The following DENND1B variants were observed in gnomAD, a reference collection of about 807,000 sequenced individuals.
DENND1B encodes DENN domain containing 1B, also known as DENN domain-containing protein 1B.
A neutral mutation model predicts 90.1 loss-of-function variants in DENND1B; 59 were observed. The ratio of observed to expected loss-of-function variants is 0.65; its 90% CI spans 0.53 to 0.81. The LOEUF (loss-of-function observed/expected upper bound fraction) is 0.81. Ranked by LOEUF, DENND1B falls within the 40% of genes least tolerant of loss-of-function variation. The pLI is 0.00. For missense variants in DENND1B, 862 were observed against 912.6 expected, an observed-to-expected ratio of 0.94 and a Z score of 0.71; for synonymous variants, 337 against 324.6, an observed-to-expected ratio of 1.04 and a Z score of -0.41.
At chr1:197,661,528 T>A (rs1654405509) in intron 5 of DENND1B, among the ~76,000 whole-genome samples, 1 of 152,110 alleles carries the variant, frequency 6.6e-6, no homozygotes, top group South Asian at 2.1e-4. Flanking sequence ...TCTGTTTCTA[T>A]CCAACTCTCA....
At chr1:197,754,827 G>A (rs993801355) in intron 2 of DENND1B, among the ~76,000 whole-genome samples, 3 of 152,076 alleles carry the variant, frequency 2.0e-5, no homozygotes, top group Non-Finnish European at 2.9e-5. Flanking sequence ...TACTCATATA[G>A]AGATGTGTAA....
At chr1:197,651,637 C>G (rs116475002) in intron 7 of DENND1B, among the ~76,000 whole-genome samples, 2,282 of 135,998 alleles carry the variant, frequency 0.017, 66 homozygotes, top group African/African-American at 0.058. Context: ...ACCTGAAAAT[C>G]AATGCTTCTT....
chr1:197,637,553 T>G (rs1193241546), intron 10 of DENND1B, among the ~76,000 whole-genome samples: 1 of 152,134 alleles, frequency 6.6e-6, no homozygotes, highest in Non-Finnish European at 1.5e-5. Context: ...CCAAATAACC[T>G]TCACACATCC....
intron 2 of DENND1B, chr1:197,736,097 T>C: frequency 1.3e-6 from 1 of 747,154 alleles, no homozygotes; most frequent in Non-Finnish European, 2.3e-6. Flanking sequence ...CTCGAGTTGG[T>C]GGAAAACGCT....
intron 3 of DENND1B, among the ~76,000 whole-genome samples, chr1:197,713,844 T>A (rs1466857420): frequency 2.2e-4 from 5 of 23,004 alleles, no homozygotes; most frequent in East Asian, 1.6e-3. Context: ...ATATATTATA[T>A]TATATTATTA....
chr1:197,780,445 C>G (rs937259313), upstream of DENND1B, among the ~76,000 whole-genome samples: 2 of 151,800 alleles, frequency 1.3e-5, no homozygotes, highest in East Asian at 3.9e-4. Context: ...CCTGCCTCAG[C>G]CTCCCGAGTA....
Position 197,775,184 on chromosome 1 carries a change from C to T in DENND1B, c.-29G>A. Reference sequence around the variant, plus strand: ...TACATGTCGGTGTGGGGCTGTCCGTCCGGCCCCCGCGCGCTGGCCTGGAAG... The same window carrying T: ...TACATGTCGGTGTGGGGCTGTCCGTTCGGCCCCCGCGCGCTGGCCTGGAAG... On this transcript the variant is annotated 5_prime_UTR_variant, in exon 1 of 23. Coordinates refer to ENST00000620048, the MANE Select transcript of DENND1B (RefSeq NM_001195215.2). 2 of 1,270,412 alleles carry T rather than the reference C, an allele frequency of 1.6e-6. No homozygotes were observed. The highest frequency in any genetic ancestry group is 2.0e-6 in the Non-Finnish European group (2 of 1,003,214). The allele number at this position is 1,270,412 out of a possible 1,614,324, so 78.7% of individuals were successfully genotyped here.
rs557518222 is a variant in DENND1B, at chr1:197,707,640, A to G, written c.126+7391T>C. Among the ~76,000 whole-genome samples, 215 of 147,076 alleles carry G rather than the reference A, an allele frequency of 1.5e-3. 1 individual carries two copies. Among genetic ancestry groups the G allele is most frequent in the African/African-American group, 4.9e-3 (198 of 40,244 alleles). ...ATATATAATATAATACATATATTAT[A>G]TAATATACATATATTATATACATAT... On this transcript the variant is annotated intron_variant, in intron 3 of 22. Transcript: ENST00000620048.
intron 20 of DENND1B, among the ~76,000 whole-genome samples, chr1:197,515,180 A>G (rs1470452000): frequency 2.6e-5 from 4 of 151,804 alleles, no homozygotes; most frequent in African/African-American, 7.2e-5. Flanking sequence ...GTGAGTGGCA[A>G]AAAGGAAGGA....
chr1:197,723,753 A>T (rs908013830), intron 2 of DENND1B, among the ~76,000 whole-genome samples: 2 of 152,140 alleles, frequency 1.3e-5, no homozygotes, highest in Admixed American at 1.3e-4. Flanking sequence ...GAAAGAAGGT[A>T]AGAGGCCATG....
chr1:197,628,145 T>C (rs1289284733), intron 10 of DENND1B, among the ~76,000 whole-genome samples: 3 of 152,146 alleles, frequency 2.0e-5, no homozygotes, highest in African/African-American at 7.2e-5. Context: ...AAGCTACCAA[T>C]GACTTTCTTC....
intron 14 of DENND1B, among the ~76,000 whole-genome samples, chr1:197,584,333 A>G (rs1032905303): frequency 3.9e-5 from 6 of 152,202 alleles, no homozygotes; most frequent in Admixed American, 1.3e-4. Flanking sequence ...GTACTGTCAC[A>G]TTCAGTAGAC....
At position 197,775,201 on chromosome 1, in the gene DENND1B, G is replaced by A. The variant is rs919649096; in HGVS notation, c.-46C>T. ...CTGTCCGTCCGGCCCCCGCGCGCTG[G>A]CCTGGAAGCCCGCAGCCCGGCCGCG... is the stretch of plus-strand genomic sequence containing the variant. On this transcript the variant is annotated 5_prime_UTR_variant, in exon 1 of 23. Transcript: ENST00000620048. 4.0e-5 allele frequency: 50 copies of A among 1,249,484 alleles called. No individual in the cohort carries two copies. The highest frequency in any genetic ancestry group is 4.9e-5 in the Non-Finnish European group (49 of 992,602). The allele number at this position is 1,249,484 out of a possible 1,614,324, so 77.4% of individuals were successfully genotyped here.
At chr1:197,689,022 T>C (rs1192280584) in intron 3 of DENND1B, 3 of 215,342 alleles carry the variant, frequency 1.4e-5, no homozygotes, top group African/African-American at 6.9e-5. Context: ...TACTACTATG[T>C]GACTATCATT....
At chr1:197,561,598 C>A (rs1363550355) in intron 15 of DENND1B, among the ~76,000 whole-genome samples, 3 of 151,788 alleles carry the variant, frequency 2.0e-5, no homozygotes, top group East Asian at 3.9e-4. Context: ...CCAGTATTCT[C>A]CCCTCCTCCT....
chr1:197,773,002 A>T (rs759479847), intron 1 of DENND1B, 70 bp from the exon 2 acceptor site: 45 of 1,241,480 alleles, frequency 3.6e-5, no homozygotes, highest in Non-Finnish European at 4.7e-5. Flanking sequence ...TATTTTCTTA[A>T]TTCTAAAACT....
At chr1:197,593,910 T>A (rs1195856161) in intron 14 of DENND1B, among the ~76,000 whole-genome samples, 1 of 152,098 alleles carries the variant, frequency 6.6e-6, no homozygotes, top group Non-Finnish European at 1.5e-5. Flanking sequence ...CAATTTTGTG[T>A]TTCAAACTCA....
At chr1:197,604,941 C>T (rs1173257156) in intron 13 of DENND1B, among the ~76,000 whole-genome samples, 2 of 150,892 alleles carry the variant, frequency 1.3e-5, no homozygotes, top group Non-Finnish European at 3.0e-5. Context: ...CTAAAAATCA[C>T]CCAAAAAATT....
chr1:197,732,030 T>C (rs1367597666), intron 2 of DENND1B, among the ~76,000 whole-genome samples: 1 of 152,212 alleles, frequency 6.6e-6, no homozygotes, highest in Non-Finnish European at 1.5e-5. Context: ...GCTGAGATAC[T>C]GATGCAGAAA....
Sources: gnomAD v4.1 joint callset for allele counts (sites outside exome capture counted in the v4.1 genomes callset) on GRCh38, gnomAD v4.1.1 for gene constraint, MANE v1.5 for transcripts, NCBI Gene and HGNC (gene_info 2026-07-23, HGNC 2026-07-21) for gene names.